The following ICE2 variants were observed in gnomAD, a reference collection of about 807,000 sequenced individuals.
ICE2 encodes interactor of little elongation complex ELL subunit 2, also known as little elongation complex subunit 2.
Under a neutral mutation model 105.4 loss-of-function variants are expected in ICE2, and 87 were observed. That is an observed-to-expected ratio of 0.83 (90% CI 0.69 to 0.99). The LOEUF is 0.99. Among genes scored for constraint, ICE2 ranks in the 50% least tolerant of loss-of-function variants. ICE2 has a pLI of 0.00. For synonymous variants in ICE2, 399 were observed against 392.0 expected (o/e 1.02, Z -0.21); for missense variants, 1,323 against 1,146.7 (o/e 1.15, Z -2.22).
intron 9 of ICE2, chr15:60,452,040 C>G (rs1365581950): frequency 2.1e-6 from 2 of 969,538 alleles, no homozygotes; most frequent in East Asian, 2.3e-4. Flanking sequence ...ACCTGGTCTA[C>G]CATTACTGAA....
At chr15:60,424,249 G>A (rs1189546125) in intron 15 of ICE2, among the ~76,000 whole-genome samples, 1 of 151,534 alleles carries the variant, frequency 6.6e-6, no homozygotes, top group Middle Eastern at 3.2e-3. Context: ...AAAGAAAATT[G>A]AGGAAAGAGA....
intron 9 of ICE2, among the ~76,000 whole-genome samples, chr15:60,450,483 C>T (rs751606485): frequency 4.6e-5 from 7 of 152,174 alleles, no homozygotes; most frequent in African/African-American, 7.2e-5. Flanking sequence ...AAACTACACA[C>T]GGCTTTTAAC....
chr15:60,465,842 C>A (rs549254731), intron 5 of ICE2, among the ~76,000 whole-genome samples: 1 of 150,998 alleles, frequency 6.6e-6, no homozygotes, highest in African/African-American at 2.4e-5. Context: ...ACCTCCACCT[C>A]CCGGGTTCAA....
intron 10 of ICE2, among the ~76,000 whole-genome samples, chr15:60,448,630 G>C (rs530746800): frequency 6.6e-6 from 1 of 152,212 alleles, no homozygotes; most frequent in Non-Finnish European, 1.5e-5. Flanking sequence ...GTACATGTTA[G>C]ATAAACACAA....
At chr15:60,478,926 C>G (rs774771212) in intron 1 of ICE2, 77 bp downstream of exon 1, 7 of 455,192 alleles carry the variant, frequency 1.5e-5, no homozygotes, top group Non-Finnish European at 3.1e-5. Flanking sequence ...CTCCTCCCGC[C>G]CCTGCATGAG....
intron 13 of ICE2, among the ~76,000 whole-genome samples, chr15:60,433,518 T>C (rs1464608226): frequency 1.3e-5 from 2 of 151,946 alleles, no homozygotes; most frequent in Non-Finnish European, 2.9e-5. Flanking sequence ...TTGAGATGAG[T>C]CTTGCTCTTT....
chr15:60,426,744 C>T (rs1455607704), intron 15 of ICE2, among the ~76,000 whole-genome samples: 5 of 152,266 alleles, frequency 3.3e-5, no homozygotes, highest in Admixed American at 2.0e-4. Context: ...AGGTATTAAA[C>T]TGTTCATTTT....
rs1269605577 is a variant in ICE2 at position 60,422,105 on chromosome 15, A to T, written c.*1529T>A. On this transcript the variant is annotated 3_prime_UTR_variant, in exon 16 of 16. Transcript: ENST00000261520. ...ACATAATTTCTGAAAATTTTAGTGTAAGGGTTCTAAAGATTAAACAAGCCT... is the reference window on the plus strand; with the variant it reads ...ACATAATTTCTGAAAATTTTAGTGTTAGGGTTCTAAAGATTAAACAAGCCT... The T allele has an allele frequency of 6.6e-6, 1 of 151,954 alleles. No homozygotes were observed. Among genetic ancestry groups the T allele is most frequent in the Admixed American group, 6.6e-5 (1 of 15,260 alleles). The allele number at this position is 151,954 out of a possible 1,614,324, so 9.4% of individuals were successfully genotyped here.
chr15:60,461,038 T>C (rs1247856236), intron 5 of ICE2, among the ~76,000 whole-genome samples: 2 of 138,830 alleles, frequency 1.4e-5, no homozygotes, highest in Admixed American at 7.6e-5. Context: ...ACGCAGTAGA[T>C]ACTAGTAGCA....
chr15:60,458,042 T>A (rs1161874386), intron 5 of ICE2, among the ~76,000 whole-genome samples: 2 of 152,188 alleles, frequency 1.3e-5, no homozygotes, highest in Admixed American at 1.3e-4. Flanking sequence ...TGTTTTTAAC[T>A]GAATTTACTT....
At chr15:60,450,874 C>G (rs1456779061) in intron 9 of ICE2, among the ~76,000 whole-genome samples, 1 of 152,134 alleles carries the variant, frequency 6.6e-6, no homozygotes, top group East Asian at 1.9e-4. Flanking sequence ...TACTAAAAGA[C>G]TACCAAATTT....
At chr15:60,471,755 C>T (rs561489140) in intron 3 of ICE2, among the ~76,000 whole-genome samples, 1 of 151,972 alleles carries the variant, frequency 6.6e-6, no homozygotes, top group South Asian at 2.1e-4. Context: ...TTGTCAACTA[C>T]CCATTCTCCT....
chr15:60,443,653 C>T (rs968367979), intron 11 of ICE2, among the ~76,000 whole-genome samples: 18 of 152,160 alleles, frequency 1.2e-4, no homozygotes, highest in African/African-American at 4.3e-4. Flanking sequence ...GTAGGTAAGG[C>T]CTCCAGTGTG....
intron 11 of ICE2, among the ~76,000 whole-genome samples, chr15:60,443,841 C>T (rs985301638): frequency 1.3e-5 from 2 of 151,946 alleles, no homozygotes; most frequent in East Asian, 3.9e-4. Flanking sequence ...TGCCTATAAT[C>T]CCAGCATTTT....
chr15:60,452,242 C>T, intron 9 of ICE2: 1 of 929,984 alleles, frequency 1.1e-6, no homozygotes, highest in Non-Finnish European at 1.3e-6. Flanking sequence ...AAGAGAAAAA[C>T]ATAAACAAAT....
intron 10 of ICE2, 123 bp downstream of exon 10, chr15:60,448,725 G>A (rs1391542362): frequency 3.6e-6 from 3 of 826,910 alleles, no homozygotes; most frequent in Non-Finnish European, 5.6e-6. Flanking sequence ...TCGAAAAAAT[G>A]AAATATCAGT....
At chr15:60,437,334 A>G (rs2063617141) in intron 12 of ICE2, among the ~76,000 whole-genome samples, 1 of 151,782 alleles carries the variant, frequency 6.6e-6, no homozygotes, top group East Asian at 1.9e-4. Flanking sequence ...AGTCAGTTCC[A>G]AGTTTTACTT....
intron 15 of ICE2, among the ~76,000 whole-genome samples, chr15:60,424,453 C>G (rs2063296819): frequency 5.6e-5 from 1 of 17,756 alleles, no homozygotes; most frequent in Non-Finnish European, 1.5e-4. Flanking sequence ...GTTCTACCTT[C>G]AAGTCTACCC....
intron 12 of ICE2, chr15:60,439,705 GGTGAACC>G (rs2063679915): frequency 6.6e-6 from 1 of 152,126 alleles, no homozygotes; most frequent in Non-Finnish European, 1.5e-5. Flanking sequence ...TCTATGCCAT[GGTGAACC>G]GTTATATTCC....
Sources: allele counts gnomAD v4.1 joint callset (sites outside exome capture counted in the v4.1 genomes callset), GRCh38; gene constraint gnomAD v4.1.1; transcripts MANE v1.5; gene names NCBI Gene and HGNC (gene_info 2026-07-23, HGNC 2026-07-21).